SCMH1: variants seen among roughly 807,000 people sequenced by gnomAD.
The protein encoded by SCMH1 is Scm polycomb group protein homolog 1.
SCMH1 carries 37 observed loss-of-function variants against 70.8 expected under a neutral mutation model. That is an observed-to-expected ratio of 0.52 (90% CI 0.40 to 0.69). The LOEUF (loss-of-function observed/expected upper bound fraction) is 0.69, where lower values mean the gene tolerates loss of function less well. SCMH1 is among the 30% of genes least tolerant of loss of function. The pLI, the probability that SCMH1 is intolerant of heterozygous loss-of-function variation, is 0.00. For missense variants in SCMH1, 607 were observed against 827.3 expected (o/e 0.73, Z 3.27); for synonymous variants, 292 against 307.4 (o/e 0.95, Z 0.52).
At chr1:41,189,461 C>T (rs1035141993) in intron 1 of SCMH1, among the ~76,000 whole-genome samples, 2 of 152,116 alleles carry the variant, frequency 1.3e-5, no homozygotes, top group African/African-American at 4.8e-5. Flanking sequence ...CGAGTATTTC[C>T]AGCACATCTC....
At chr1:41,176,696 C>T (rs1647175686) in intron 2 of SCMH1, among the ~76,000 whole-genome samples, 1 of 152,266 alleles carries the variant, frequency 6.6e-6, no homozygotes, top group South Asian at 2.1e-4. Context: ...GGCAGCGAGG[C>T]TGGGGGAGGG....
At chr1:41,187,772 AG>A (rs1650622951) in intron 1 of SCMH1, among the ~76,000 whole-genome samples, 1 of 151,134 alleles carries the variant, frequency 6.6e-6, no homozygotes, top group South Asian at 2.1e-4. Flanking sequence ...CCCCATCTCT[AG>A]GAGTTTGAGA....
chr1:41,068,593 A>T (rs947422250), intron 10 of SCMH1, among the ~76,000 whole-genome samples: 1 of 151,966 alleles, frequency 6.6e-6, no homozygotes, highest in Admixed American at 6.6e-5. Flanking sequence ...TTTGGTAGAG[A>T]AGGGGTTTTG....
At chr1:41,159,197 G>A (rs1042070380) in intron 4 of SCMH1, among the ~76,000 whole-genome samples, 1 of 152,138 alleles carries the variant, frequency 6.6e-6, no homozygotes, top group Non-Finnish European at 1.5e-5. Context: ...AATGAAATAT[G>A]CAGGATTAAC....
chr1:41,153,562 A>C (rs919224886), intron 4 of SCMH1, among the ~76,000 whole-genome samples: 2 of 152,178 alleles, frequency 1.3e-5, no homozygotes, highest in African/African-American at 4.8e-5. Flanking sequence ...CATGGTAATC[A>C]ATCCCTATTC....
Position 41,048,543 on chromosome 1 carries a change from G to A in SCMH1, c.1306+147C>T, listed in dbSNP as rs1022154163. Reference sequence around the variant, plus strand: ...GCATAAGGCTCAGAGGGGCTCTTGGGGGGTTGGAGATGAGGAATGGAATAC... The same window carrying A: ...GCATAAGGCTCAGAGGGGCTCTTGGAGGGTTGGAGATGAGGAATGGAATAC... On this transcript the variant is annotated intron_variant, in intron 11 of 14. Coordinates refer to ENST00000337495, the Ensembl canonical transcript of SCMH1. 7.6e-5 allele frequency: 54 copies of A among 709,696 alleles called. No homozygotes were observed. In the South Asian group the frequency reaches 8.7e-4, roughly 11 times the overall value. The allele number at this position is 709,696 out of a possible 1,614,324, so 44.0% of individuals were successfully genotyped here.
At chr1:41,131,571 T>C (rs1398190343) in intron 6 of SCMH1, among the ~76,000 whole-genome samples, 2 of 152,224 alleles carry the variant, frequency 1.3e-5, no homozygotes, top group Non-Finnish European at 2.9e-5. Flanking sequence ...TTTTGTATTA[T>C]ACTTTAAATT....
intron 10 of SCMH1, among the ~76,000 whole-genome samples, chr1:41,061,373 T>C (rs2148810732): frequency 6.6e-6 from 1 of 152,244 alleles, no homozygotes; most frequent in East Asian, 1.9e-4. Context: ...AGATTAAAAG[T>C]AAATGAGTAA....
chr1:41,211,987 C>T (rs530336438), intron 1 of SCMH1, among the ~76,000 whole-genome samples: 9 of 152,074 alleles, frequency 5.9e-5, no homozygotes, highest in East Asian at 5.8e-4. Flanking sequence ...GGATACAGGG[C>T]GGGGAACATG....
intron 1 of SCMH1, among the ~76,000 whole-genome samples, chr1:41,187,084 A>C (rs1317721087): frequency 6.6e-6 from 1 of 152,054 alleles, no homozygotes; most frequent in Non-Finnish European, 1.5e-5. Context: ...ACAAAACAAA[A>C]AATGCTGAAT....
chr1:41,161,391 G>A (rs2148428178), exon 3 of SCMH1: 1 of 1,550,542 alleles, frequency 6.4e-7, no homozygotes, highest in Non-Finnish European at 8.7e-7. Context: ...GACTCTGATA[G>A]GTGACCATAT....
chr1:41,140,945 A>C (rs1008605375), intron 6 of SCMH1, among the ~76,000 whole-genome samples: 1 of 152,232 alleles, frequency 6.6e-6, no homozygotes, highest in Non-Finnish European at 1.5e-5. Context: ...AACACAACAA[A>C]TATGTATGAA....
chr1:41,220,106 T>C (rs1192166224), intron 1 of SCMH1, among the ~76,000 whole-genome samples: 1 of 152,204 alleles, frequency 6.6e-6, no homozygotes, highest in Non-Finnish European at 1.5e-5. Flanking sequence ...AGCTGATGAA[T>C]GGTGACAAGT....
chr1:41,204,865 A>C (rs568688061), intron 1 of SCMH1, among the ~76,000 whole-genome samples: 2 of 152,184 alleles, frequency 1.3e-5, no homozygotes, highest in Non-Finnish European at 2.9e-5. Flanking sequence ...GAGATACTCA[A>C]TAGGTATTTA....
chr1:41,028,314 G>T (rs754894150), exon 15 of SCMH1: 2 of 1,570,630 alleles, frequency 1.3e-6, no homozygotes, highest in African/African-American at 1.4e-5. Context: ...CCTTGCCATC[G>T]ATCTCCTGGG....
chr1:41,139,087 C>T (rs1643802580), intron 6 of SCMH1, among the ~76,000 whole-genome samples: 1 of 151,840 alleles, frequency 6.6e-6, no homozygotes, highest in Non-Finnish European at 1.5e-5. Context: ...CTTTTTTTCC[C>T]TTCAACGTTA....
intron 1 of SCMH1, among the ~76,000 whole-genome samples, chr1:41,236,451 TGA>T (rs1364821151): frequency 6.6e-6 from 1 of 152,004 alleles, no homozygotes; most frequent in East Asian, 1.9e-4. Flanking sequence ...AACAGGAGTT[TGA>T]GAGAGCAAGT....
chr1:41,206,331 C>A (rs1212140942), intron 1 of SCMH1, among the ~76,000 whole-genome samples: 1 of 152,152 alleles, frequency 6.6e-6, no homozygotes, highest in Non-Finnish European at 1.5e-5. Context: ...CTAGAATAAA[C>A]AGTGTAGAGA....
At chr1:41,206,416 C>T (rs994103791) in intron 1 of SCMH1, among the ~76,000 whole-genome samples, 1 of 151,964 alleles carries the variant, frequency 6.6e-6, no homozygotes, top group African/African-American at 2.4e-5. Flanking sequence ...CTTCAGTAGC[C>T]GATTTGACCA....
Sources: gnomAD v4.1 joint callset for allele counts (sites outside exome capture counted in the v4.1 genomes callset) on GRCh38, gnomAD v4.1.1 for gene constraint, MANE v1.5 for transcripts, NCBI Gene and HGNC (gene_info 2026-07-23, HGNC 2026-07-21) for gene names.